Variants in C5orf15 observed in about 807,000 individuals in gnomAD.
C5orf15 encodes keratinocyte-associated transmembrane protein 2.
A neutral mutation model predicts 17.8 loss-of-function variants in C5orf15; 10 were observed. The ratio of observed to expected loss-of-function variants is 0.56; its 90% CI spans 0.35 to 0.95. The LOEUF is 0.95. C5orf15 is among the 40% of genes least tolerant of loss of function. C5orf15 has a pLI of 0.02. For missense variants in C5orf15, 319 were observed against 331.7 expected, an observed-to-expected ratio of 0.96 and a Z score of 0.30; for synonymous variants, 124 against 131.0, an observed-to-expected ratio of 0.95 and a Z score of 0.36.
In C5orf15 at chr5:133,955,517, A is replaced by G. The variant is rs957613886; in HGVS notation, c.*1342T>C. ...AACACACTCGTGAAATCATAGATTTATATCTTTGCCATTTATTTTTTAAAA... is the reference window on the plus strand; with the variant it reads ...AACACACTCGTGAAATCATAGATTTGTATCTTTGCCATTTATTTTTTAAAA... On this transcript the variant is annotated 3_prime_UTR_variant, in exon 3 of 3. Coordinates refer to ENST00000231512, the MANE Select transcript of C5orf15 (RefSeq NM_020199.3). The G allele has an allele frequency of 6.6e-6, 1 of 152,654 alleles. No individual in the cohort carries two copies. Among genetic ancestry groups the G allele is most frequent in the African/African-American group, 2.4e-5 (1 of 41,474 alleles). 9.5% of individuals were successfully genotyped at this position (152,654 alleles called of 1,614,324 possible).
At chr5:133,968,274 C>T (rs1250495239) in intron 1 of C5orf15, among the ~76,000 whole-genome samples, 172 bp downstream of exon 1, 1 of 152,054 alleles carries the variant, frequency 6.6e-6, no homozygotes, top group African/African-American at 2.4e-5. Flanking sequence ...CCACCTTGGA[C>T]CCCTTCAGAC....
intron 1 of C5orf15, 76 bp downstream of exon 1, chr5:133,968,370 C>G: frequency 6.5e-7 from 1 of 1,540,656 alleles, no homozygotes; most frequent in Non-Finnish European, 8.8e-7. Context: ...GCGCCCTTTC[C>G]CTGGCCCGGC....
At chr5:133,964,170 T>C (rs545685353) in intron 1 of C5orf15, among the ~76,000 whole-genome samples, 2 of 152,168 alleles carry the variant, frequency 1.3e-5, no homozygotes, top group African/African-American at 4.8e-5. Context: ...TGAGCCGAGA[T>C]CGTGCCATTG....
At chr5:133,958,576 C>CAAAAAAAAAAAAAA (rs71581378) in intron 2 of C5orf15, among the ~76,000 whole-genome samples, 1 of 31,980 alleles carries the variant, frequency 3.1e-5, no homozygotes, top group African/African-American at 7.9e-5. Flanking sequence ...AGCTCTGTCT[C>CAAAAAAAAAAAAAA]AAAAAAAAAA....
intron 1 of C5orf15, among the ~76,000 whole-genome samples, chr5:133,961,856 G>T (rs1316629201): frequency 6.7e-6 from 1 of 149,896 alleles, no homozygotes; most frequent in Non-Finnish European, 1.5e-5. Flanking sequence ...CTCCCACCTT[G>T]GCCTCCCAAA....
intron 1 of C5orf15, among the ~76,000 whole-genome samples, chr5:133,964,496 A>C (rs1301363832): frequency 6.6e-6 from 1 of 152,160 alleles, no homozygotes; most frequent in Non-Finnish European, 1.5e-5. Flanking sequence ...TTTTGACTGT[A>C]CCAATGTTAA....
At chr5:133,961,120 C>T (rs1752116175) in intron 1 of C5orf15, among the ~76,000 whole-genome samples, 1 of 149,320 alleles carries the variant, frequency 6.7e-6, no homozygotes, top group Non-Finnish European at 1.5e-5. Flanking sequence ...CATGTGAATA[C>T]ACTCTGGTTT....
chr5:133,964,992 C>T (rs891676744), intron 1 of C5orf15, among the ~76,000 whole-genome samples: 2 of 152,192 alleles, frequency 1.3e-5, no homozygotes, highest in Non-Finnish European at 2.9e-5. Flanking sequence ...ACTTAAGACC[C>T]TCTAGGGCCA....
Position 133,963,210 on chromosome 5 carries a change from C to A in C5orf15, c.140-3190G>T, listed in dbSNP as rs906337350. Among the ~76,000 whole-genome samples, 8 of 152,338 alleles carry A rather than the reference C, an allele frequency of 5.3e-5. No homozygotes were observed. The South Asian group carries it at 8.3e-4, about 16-fold the overall frequency. On this transcript the variant is annotated intron_variant, in intron 1 of 2. Coordinates refer to ENST00000231512, the MANE Select transcript of C5orf15 (RefSeq NM_020199.3). Reference sequence around the variant, plus strand: ...TTCTACTCTCTTAGGACACCAATCACATTTTCCTCTAACCACAAACTTCAA... The same window carrying A: ...TTCTACTCTCTTAGGACACCAATCAAATTTTCCTCTAACCACAAACTTCAA...
intron 1 of C5orf15, among the ~76,000 whole-genome samples, chr5:133,967,092 TATAA>T: frequency 6.6e-6 from 1 of 152,216 alleles, no homozygotes; most frequent in East Asian, 1.9e-4. Flanking sequence ...CAGCAGGAAA[TATAA>T]ATGTTTGTGT....
chr5:133,960,048 A>C, intron 1 of C5orf15, 28 bp from the exon 2 acceptor site: 1 of 1,552,126 alleles, frequency 6.4e-7, no homozygotes, highest in South Asian at 1.2e-5. Flanking sequence ...TATCAAACTG[A>C]AATCTCCAAC....
intron 2 of C5orf15, 62 bp from the exon 3 acceptor site, chr5:133,957,052 A>G: frequency 1.5e-6 from 2 of 1,338,084 alleles, no homozygotes; most frequent in Non-Finnish European, 2.1e-6. Context: ...AAACATTTTT[A>G]TAACAAGTAA....
intron 2 of C5orf15, among the ~76,000 whole-genome samples, chr5:133,958,577 A>AG (rs1752071144): frequency 1.5e-5 from 1 of 66,428 alleles, no homozygotes; most frequent in Non-Finnish European, 3.2e-5. Flanking sequence ...GCTCTGTCTC[A>AG]AAAAAAAAAA....
chr5:133,960,438 C>G (rs1276595178), intron 1 of C5orf15, among the ~76,000 whole-genome samples: 2 of 152,152 alleles, frequency 1.3e-5, no homozygotes, highest in African/African-American at 2.4e-5. Context: ...GTGGCTGATT[C>G]TCACTCAAGT....
At chr5:133,965,985 G>A (rs1752185044) in intron 1 of C5orf15, among the ~76,000 whole-genome samples, 1 of 152,064 alleles carries the variant, frequency 6.6e-6, no homozygotes, top group African/African-American at 2.4e-5. Flanking sequence ...AGCACTTTGG[G>A]AGGCCAAGGC....
chr5:133,961,593 CT>C (rs555242447), intron 1 of C5orf15, among the ~76,000 whole-genome samples: 78 of 142,040 alleles, frequency 5.5e-4, no homozygotes, highest in Admixed American at 6.4e-4. Flanking sequence ...CTCTTTTTCC[CT>C]TTTTTTTTTT....
chr5:133,967,139 C>T (rs1580700456), intron 1 of C5orf15, among the ~76,000 whole-genome samples: 1 of 152,118 alleles, frequency 6.6e-6, no homozygotes, highest in African/African-American at 2.4e-5. Flanking sequence ...ATGGCCAAAA[C>T]AATTAAGCTA....
chr5:133,960,162 A>G, intron 1 of C5orf15, 142 bp from the exon 2 acceptor site: 1 of 648,532 alleles, frequency 1.5e-6, no homozygotes. Flanking sequence ...TTAAGTCTCA[A>G]TAGCCAGCAT....
intron 1 of C5orf15, among the ~76,000 whole-genome samples, chr5:133,965,168 C>G (rs1752175314): frequency 6.6e-6 from 1 of 152,142 alleles, no homozygotes; most frequent in African/African-American, 2.4e-5. Flanking sequence ...TGAATATGCT[C>G]TCGATTCAAC....
Sources: allele counts gnomAD v4.1 joint callset (sites outside exome capture counted in the v4.1 genomes callset), GRCh38; gene constraint gnomAD v4.1.1; transcripts MANE v1.5; gene names NCBI Gene and HGNC (gene_info 2026-07-23, HGNC 2026-07-21).